RBFOX1: variants seen among roughly 807,000 people sequenced by gnomAD.
The protein encoded by RBFOX1 is RNA binding protein fox-1 homolog 1.
Under a neutral mutation model 57.7 loss-of-function variants are expected in RBFOX1, and 8 were observed. The ratio of observed to expected loss-of-function variants is 0.14; its 90% confidence interval spans 0.08 to 0.25. The LOEUF is 0.25. Among genes scored for constraint, RBFOX1 ranks in the 10% least tolerant of loss-of-function variants. The pLI is 1.00. For missense variants in RBFOX1, 611 were observed against 548.5 expected (o/e 1.11, Z -1.14); for synonymous variants, 326 against 222.4 (o/e 1.47, Z -4.15).
At chr16:7,308,321 T>A (rs1313868446) in intron 4 of RBFOX1, among the ~76,000 whole-genome samples, 1 of 147,748 alleles carries the variant, frequency 6.8e-6, no homozygotes, top group Non-Finnish European at 1.5e-5. Context: ...CCACTGAGTT[T>A]AATGTCCTGA....
At chr16:6,230,529 G>C (rs920414647) in intron 1 of RBFOX1, among the ~76,000 whole-genome samples, 1 of 152,086 alleles carries the variant, frequency 6.6e-6, no homozygotes, top group South Asian at 2.1e-4. Flanking sequence ...CCAAAGCCTA[G>C]AGGCTTAAAA....
chr16:7,707,397 G>T (rs72636236), intron 14 of RBFOX1, among the ~76,000 whole-genome samples: 3 of 152,090 alleles, frequency 2.0e-5, no homozygotes, highest in Non-Finnish European at 4.4e-5. Flanking sequence ...AAAATGGGGG[G>T]AAAACAGGAA....
chr16:5,712,047 C>T (rs1463565631), intron 3 of RBFOX1, among the ~76,000 whole-genome samples: 1 of 152,170 alleles, frequency 6.6e-6, no homozygotes, highest in Non-Finnish European at 1.5e-5. Flanking sequence ...GAAGGGAAAG[C>T]AGGCATGTCT....
intron 5 of RBFOX1, among the ~76,000 whole-genome samples, chr16:7,556,571 C>T (rs1179371539): frequency 6.6e-6 from 1 of 152,168 alleles, no homozygotes; most frequent in East Asian, 1.9e-4. Flanking sequence ...TTTTCATTTT[C>T]AACATTCTCT....
intron 3 of RBFOX1, among the ~76,000 whole-genome samples, chr16:6,681,234 C>T (rs758607439): frequency 6.6e-6 from 1 of 152,116 alleles, no homozygotes; most frequent in Non-Finnish European, 1.5e-5. Context: ...ATCACTTAAG[C>T]CTGGAAGGCA....
Position 7,449,726 on chromosome 16 carries a change from GT to G in RBFOX1, c.28-68420del, listed in dbSNP as rs1440854289. On this transcript the variant is annotated intron_variant, in intron 4 of 15. Transcript: ENST00000550418. ...AAAAGAAACATGTATGTGTGTGTGT[GT>G]GTGGGGGGGGGGGGTTGTTTTGTTT... Among the ~76,000 whole-genome samples, 185 of 95,940 alleles carry G rather than the reference GT, an allele frequency of 1.9e-3. 3 individuals are homozygous for G. Among genetic ancestry groups the G allele is most frequent in the African/African-American group, 7.8e-3 (173 of 22,314 alleles). The allele number at this position is 95,940 out of a possible 152,430, so 62.9% of individuals were successfully genotyped here.
chr16:6,283,360 A>G (rs1379135266), intron 1 of RBFOX1, among the ~76,000 whole-genome samples: 1 of 152,100 alleles, frequency 6.6e-6, no homozygotes, highest in Non-Finnish European at 1.5e-5. Context: ...ATTAAATAAT[A>G]TCCTTAAGCC....
At chr16:6,842,017 C>G (rs7498331) in intron 3 of RBFOX1, among the ~76,000 whole-genome samples, 22,803 of 151,412 alleles carry the variant, frequency 0.15, 1,845 homozygotes, top group Non-Finnish European at 0.18. Flanking sequence ...GTGGCGGGCG[C>G]CTGTAGTCCC....
At chr16:6,658,937 TTTTTTTTG>T (rs1457259244) in intron 3 of RBFOX1, among the ~76,000 whole-genome samples, 9 of 111,246 alleles carry the variant, frequency 8.1e-5, no homozygotes, top group African/African-American at 2.3e-4. Flanking sequence ...GGTTTTTTTG[TTTTTTTTG>T]TTTTTTTTTT....
intron 2 of RBFOX1, among the ~76,000 whole-genome samples, chr16:6,498,061 C>T (rs974221081): frequency 9.9e-5 from 15 of 151,788 alleles, no homozygotes; most frequent in African/African-American, 3.6e-4. Flanking sequence ...CCAGCCTTGC[C>T]AGCATGATGA....
intron 4 of RBFOX1, among the ~76,000 whole-genome samples, chr16:7,312,596 T>G (rs2096341796): frequency 6.6e-6 from 1 of 152,180 alleles, no homozygotes; most frequent in Admixed American, 6.5e-5. Context: ...CTCTTCTCTT[T>G]CTTCCTCCAG....
At chr16:7,185,024 G>A (rs750840796) in intron 4 of RBFOX1, among the ~76,000 whole-genome samples, 2 of 152,120 alleles carry the variant, frequency 1.3e-5, no homozygotes, top group Non-Finnish European at 2.9e-5. Context: ...TAAGGAAATT[G>A]ATCCTTAGAT....
chr16:6,298,424 T>C (rs773706684), intron 1 of RBFOX1, among the ~76,000 whole-genome samples: 4 of 152,196 alleles, frequency 2.6e-5, no homozygotes, highest in Non-Finnish European at 4.4e-5. Context: ...ACACAATGCA[T>C]CCCTAAGACA....
chr16:6,583,850 G>T, intron 2 of RBFOX1, among the ~76,000 whole-genome samples: 1 of 152,030 alleles, frequency 6.6e-6, no homozygotes, highest in Non-Finnish European at 1.5e-5. Flanking sequence ...GAAAAGTAGG[G>T]GAATCTACAA....
In RBFOX1 at chr16:5,742,186, C is replaced by A. The variant is rs181248855; in HGVS notation, c.319-125117C>A. Among the ~76,000 whole-genome samples, 439 of 151,850 alleles carry A rather than the reference C, an allele frequency of 2.9e-3. 12 individuals are homozygous for A. Among genetic ancestry groups the A allele is most frequent in the Admixed American group, 0.027 (408 of 15,236 alleles). On this transcript the variant is annotated intron_variant, in intron 3 of 19. Coordinates refer to the RBFOX1 transcript ENST00000641259. The stretch of plus-strand genomic sequence containing the variant: ...GGGAAATTTGGGCATATCCGTCCTT[C>A]CCTTCCTTCCTCCAGTCCTTCCTCC...
chr16:7,189,441 A>G (rs868457146), intron 4 of RBFOX1, among the ~76,000 whole-genome samples: 1 of 136,042 alleles, frequency 7.4e-6, no homozygotes, highest in African/African-American at 2.9e-5. Flanking sequence ...AAAAAAAAAA[A>G]AAAAAAAGGA....
intron 2 of RBFOX1, among the ~76,000 whole-genome samples, chr16:6,579,054 CAA>C (rs887158979): frequency 6.6e-6 from 1 of 151,924 alleles, no homozygotes; most frequent in African/African-American, 2.4e-5. Flanking sequence ...ATAAAAATAA[CAA>C]ATAATTTTTG....
At chr16:6,149,098 A>G (rs900909829) in intron 1 of RBFOX1, among the ~76,000 whole-genome samples, 1 of 152,250 alleles carries the variant, frequency 6.6e-6, no homozygotes, top group Non-Finnish European at 1.5e-5. Flanking sequence ...ATGCAAACAA[A>G]TACTTAGCAG....
chr16:6,630,808 C>T (rs1012863893), intron 2 of RBFOX1, among the ~76,000 whole-genome samples: 7 of 152,146 alleles, frequency 4.6e-5, no homozygotes, highest in African/African-American at 1.7e-4. Flanking sequence ...CTGCTCGTTA[C>T]AGGAGTTAAG....
Sources: gnomAD v4.1 joint callset for allele counts (sites outside exome capture counted in the v4.1 genomes callset) on GRCh38, gnomAD v4.1.1 for gene constraint, MANE v1.5 for transcripts, NCBI Gene and HGNC (gene_info 2026-07-23, HGNC 2026-07-21) for gene names.